Variants in TSGA10IP observed in about 807,000 individuals in gnomAD.
TSGA10IP encodes the protein testis-specific protein 10-interacting protein.
A neutral mutation model predicts 63.2 loss-of-function variants in TSGA10IP; 64 were observed. The ratio of observed to expected loss-of-function variants is 1.01; its 90% confidence interval spans 0.83 to 1.25. The LOEUF (loss-of-function observed/expected upper bound fraction) is 1.25, where lower values mean the gene tolerates loss of function less well. TSGA10IP is among the 50% of genes most tolerant of loss of function. The pLI is 0.00. For missense variants in TSGA10IP, 681 were observed against 710.1 expected, an observed-to-expected ratio of 0.96 and a Z score of 0.47; for synonymous variants, 316 against 298.3, an observed-to-expected ratio of 1.06 and a Z score of -0.61.
In TSGA10IP at chr11:65,954,106, C is replaced by G. The variant is rs1215147086; in HGVS notation, c.1322+369C>G. ...CGTGTGACCCCACTCTGGGAGACAA[C>G]CATTGTTCACAGTCAGCTGAAGAGT... On this transcript the variant is annotated intron_variant, in intron 5 of 7. Coordinates refer to ENST00000532620, the Ensembl canonical transcript of TSGA10IP. Among the ~76,000 whole-genome samples, 5 of 152,072 alleles carry G rather than the reference C, an allele frequency of 3.3e-5. No individual in the cohort carries two copies. The East Asian group carries it at 5.8e-4, about 18-fold the overall frequency.
chr11:65,957,547 C>T (rs1855045003), intron 5 of TSGA10IP, among the ~76,000 whole-genome samples: 1 of 152,206 alleles, frequency 6.6e-6, no homozygotes, highest in Admixed American at 6.5e-5. Context: ...TGGTGAAAGC[C>T]GTTTTTGCAG....
At chr11:65,959,426 C>T in intron 7 of TSGA10IP, 112 bp downstream of exon 7, 1 of 1,458,812 alleles carries the variant, frequency 6.9e-7, no homozygotes, top group Non-Finnish European at 9.2e-7. Flanking sequence ...GCAGAGAGCC[C>T]AGAGGAAGGC....
chr11:65,945,882 C>A, intron 1 of TSGA10IP, 60 bp downstream of exon 1: 2 of 1,582,828 alleles, frequency 1.3e-6, no homozygotes, highest in Admixed American at 1.7e-5. Context: ...TCAGGGAGGC[C>A]TGGGCTGGGG....
chr11:65,952,117 G>T (rs1854953825), intron 4 of TSGA10IP, among the ~76,000 whole-genome samples: 1 of 152,164 alleles, frequency 6.6e-6, no homozygotes, highest in Non-Finnish European at 1.5e-5. Context: ...GCCTCCCAAA[G>T]TGCTGGGATT....
At chr11:65,954,395 C>T (rs1041158195) in intron 5 of TSGA10IP, among the ~76,000 whole-genome samples, 11 of 150,634 alleles carry the variant, frequency 7.3e-5, no homozygotes, top group African/African-American at 2.4e-4. Context: ...AGGATAGTCT[C>T]GATCTCCTGA....
chr11:65,956,052 G>A (rs1292486262), intron 5 of TSGA10IP, among the ~76,000 whole-genome samples: 1 of 152,038 alleles, frequency 6.6e-6, no homozygotes, highest in Non-Finnish European at 1.5e-5. Flanking sequence ...TTGGTCCGTG[G>A]CAAGTGGGGT....
intron 4 of TSGA10IP, 138 bp downstream of exon 4, chr11:65,948,286 A>C: frequency 1.3e-6 from 1 of 758,116 alleles, no homozygotes; most frequent in Non-Finnish European, 2.0e-6. Context: ...TCATCCATCC[A>C]TCCATCCATC....
intron 4 of TSGA10IP, among the ~76,000 whole-genome samples, chr11:65,949,857 T>TG (rs1453827920): frequency 4.9e-5 from 7 of 143,226 alleles, no homozygotes; most frequent in African/African-American, 1.3e-4. Flanking sequence ...TCGGTTTTTT[T>TG]TTTTTTTTTT....
intron 4 of TSGA10IP, among the ~76,000 whole-genome samples, chr11:65,950,054 T>C (rs1344010951): frequency 6.6e-6 from 1 of 151,678 alleles, no homozygotes; most frequent in African/African-American, 2.4e-5. Context: ...GGTTTCACCA[T>C]ATTGGCCAGG....
intron 1 of TSGA10IP, 153 bp downstream of exon 1, chr11:65,945,975 G>A (rs528053240): frequency 1.5e-4 from 136 of 893,902 alleles, no homozygotes; most frequent in Non-Finnish European, 2.2e-4. Flanking sequence ...CCACAGGGAG[G>A]CCTAAGGGCC....
intron 7 of TSGA10IP, 89 bp downstream of exon 7, chr11:65,959,403 T>C: frequency 6.5e-7 from 1 of 1,530,330 alleles, no homozygotes. Context: ...CTGGAGGGCC[T>C]CCCCCAGGAC....
At chr11:65,954,818 C>CAAA (rs35841625) in intron 5 of TSGA10IP, among the ~76,000 whole-genome samples, 4 of 72,872 alleles carry the variant, frequency 5.5e-5, no homozygotes, top group African/African-American at 1.7e-4. Context: ...AACTCCATCT[C>CAAA]AAAAAAAAAA....
At chr11:65,946,008 G>A (rs1198092518) in intron 1 of TSGA10IP, 186 bp downstream of exon 1, 6 of 644,952 alleles carry the variant, frequency 9.3e-6, no homozygotes, top group East Asian at 2.8e-5. Context: ...GAGGGATGAC[G>A]CCCAGGAGTG....
At position 65,947,542 on chromosome 11, in the gene TSGA10IP, G is replaced by T. The variant is rs1333554268; in HGVS notation, c.717G>T (p.Arg239Ser). The T allele has an allele frequency of 2.5e-6, 4 of 1,613,866 alleles. No homozygotes were observed. The South Asian group carries it at 4.4e-5, about 18-fold the overall frequency. The change falls in exon 3 of 8, where the codon AGG becomes AGT. Residue 239 changes from arginine to serine, a missense_variant. Coordinates refer to ENST00000532620, the Ensembl canonical transcript of TSGA10IP. ...CTGGGGTGCTGCCCCAGCGCCCCAG[G>T]AGGGGGTCGATCTCAGAGGAGGAGC...
chr11:65,959,770 T>G, intron 7 of TSGA10IP, 47 bp from the exon 8 acceptor site: 1 of 1,517,956 alleles, frequency 6.6e-7, no homozygotes, highest in Non-Finnish European at 8.9e-7. Context: ...TCCTTGGGCA[T>G]GGGGGTGGGA....
chr11:65,953,091 C>T (rs1011095973), intron 4 of TSGA10IP, among the ~76,000 whole-genome samples: 9 of 142,364 alleles, frequency 6.3e-5, no homozygotes, highest in African/African-American at 2.4e-4. Flanking sequence ...AGTACAATGG[C>T]GTGGTCTCGG....
chr11:65,949,684 G>A (rs1160727342), intron 4 of TSGA10IP, among the ~76,000 whole-genome samples: 1 of 151,440 alleles, frequency 6.6e-6, no homozygotes, highest in Non-Finnish European at 1.5e-5. Context: ...CAAAGTGCTG[G>A]GATTATAGGC....
intron 4 of TSGA10IP, among the ~76,000 whole-genome samples, chr11:65,950,446 G>A (rs1006182896): frequency 6.6e-6 from 1 of 152,062 alleles, no homozygotes; most frequent in Non-Finnish European, 1.5e-5. Flanking sequence ...CCAGGCTGCA[G>A]TGCAGTGGCA....
In TSGA10IP at chr11:65,958,080, A is replaced by C. The variant is rs1250951542; in HGVS notation, c.1323-803A>C. On this transcript the variant is annotated intron_variant, in intron 5 of 7. Coordinates refer to ENST00000532620, the Ensembl canonical transcript of TSGA10IP. ...GCGATCCTCCCACCTTGGCCTCCCA[A>C]CTACCCAGGACTACAGGTGCATACC... Among the ~76,000 whole-genome samples the C allele has an allele frequency of 2.0e-5, 3 of 152,134 alleles. No homozygotes were observed. The East Asian group carries it at 5.8e-4, about 29-fold the overall frequency.
Sources: allele counts gnomAD v4.1 joint callset (sites outside exome capture counted in the v4.1 genomes callset), GRCh38; gene constraint gnomAD v4.1.1; transcripts MANE v1.5; gene names NCBI Gene and HGNC (gene_info 2026-07-23, HGNC 2026-07-21).